The following L2HGDH variants were observed in gnomAD, a reference collection of about 807,000 sequenced individuals.
L2HGDH encodes L-2-hydroxyglutarate dehydrogenase, also known as L-2-hydroxyglutarate dehydrogenase, mitochondrial.
L2HGDH carries 34 observed loss-of-function variants against 51.5 expected under a neutral mutation model. That is an observed-to-expected ratio of 0.66 (90% CI 0.50 to 0.88). L2HGDH has a LOEUF of 0.88. Ranked by LOEUF, L2HGDH falls within the 40% of genes least tolerant of loss-of-function variation. The pLI is 0.00. For synonymous variants in L2HGDH, 198 were observed against 197.9 expected (o/e 1.00, Z -0.01); for missense variants, 558 against 571.9 (o/e 0.98, Z 0.25).
Position 50,269,347 on chromosome 14 carries a change from G to C in L2HGDH, c.739-17C>G, listed in dbSNP as rs1160517549. ...TTCCTCTCCCTAGTGCAAAATAAAAGAACAGTTATTTGTATAAAGTGGAGT... is the reference window on the plus strand; with the variant it reads ...TTCCTCTCCCTAGTGCAAAATAAAACAACAGTTATTTGTATAAAGTGGAGT... On this transcript the variant is annotated splice_polypyrimidine_tract_variant and intron_variant, in intron 6 of 9. Transcript: ENST00000267436. 1.2e-6 allele frequency: 2 copies of C among 1,612,374 alleles called. No homozygotes were observed. Among genetic ancestry groups the C allele is most frequent in the Non-Finnish European group, 1.7e-6 (2 of 1,178,724 alleles).
In L2HGDH at chr14:50,266,050, G is replaced by T. The variant is rs534870740; in HGVS notation, c.1065-561C>A. On this transcript the variant is annotated intron_variant, in intron 8 of 9. Coordinates refer to ENST00000267436, the MANE Select transcript of L2HGDH (RefSeq NM_024884.3). ...AGTTCCAGCTACTAGGGAGGCTGAA[G>T]TGGGAGGCTCGCTTAAGCCCAGGAG... Among the ~76,000 whole-genome samples the T allele has an allele frequency of 3.9e-5, 6 of 152,056 alleles. No homozygotes were observed. In the East Asian group the frequency reaches 1.2e-3, roughly 29 times the overall value.
intron 5 of L2HGDH, among the ~76,000 whole-genome samples, chr14:50,279,399 G>T (rs1213669626): frequency 2.0e-5 from 3 of 152,126 alleles, no homozygotes; most frequent in Non-Finnish European, 2.9e-5. Context: ...CATGAGGTGG[G>T]GGGAGTTCCA....
intron 9 of L2HGDH, among the ~76,000 whole-genome samples, chr14:50,264,814 C>T (rs1465709781): frequency 6.6e-6 from 1 of 151,456 alleles, no homozygotes; most frequent in African/African-American, 2.5e-5. Flanking sequence ...ATAATATGTA[C>T]AATAAACCCC....
chr14:50,259,354 T>C (rs1211029894), intron 9 of L2HGDH, among the ~76,000 whole-genome samples: 10 of 122,916 alleles, frequency 8.1e-5, no homozygotes, highest in Non-Finnish European at 1.6e-4. Flanking sequence ...TTTCTGTTTT[T>C]TTTCTTTTTC....
chr14:50,282,574 T>G, intron 5 of L2HGDH: 1 of 454,982 alleles, frequency 2.2e-6, no homozygotes, highest in Non-Finnish European at 4.4e-6. Context: ...GTACAGTCTA[T>G]GAGTTGAAAT....
At chr14:50,301,921 A>G (rs2030430912) in intron 3 of L2HGDH, 96 bp downstream of exon 3, 3 of 1,264,888 alleles carry the variant, frequency 2.4e-6, no homozygotes, top group African/African-American at 3.0e-5. Context: ...TTACATAGAT[A>G]CAAAGAAAAA....
chr14:50,265,725 C>T (rs888757861), intron 8 of L2HGDH, among the ~76,000 whole-genome samples: 2 of 152,126 alleles, frequency 1.3e-5, no homozygotes, highest in East Asian at 3.9e-4. Context: ...ACCAGCCTGG[C>T]CAACATGGCA....
In L2HGDH at chr14:50,302,072, G is replaced by A. The variant is rs754498085; in HGVS notation, c.353C>T (p.Ala118Val). The A allele has an allele frequency of 1.9e-6, 3 of 1,614,080 alleles. No homozygotes were observed. The highest frequency in any genetic ancestry group is 1.6e-4 in the Middle Eastern group (1 of 6,062). Residue 118 changes from alanine (A) to valine (V), a missense_variant, in exon 3 of 10, where the codon GCC (alanine) becomes GTC (valine). By Grantham distance (64) the Ala-to-Val change is moderately conservative (BLOSUM62 0). Around this residue, in one of 3 missense-constraint regions of L2HGDH, gnomAD observed 194 missense variants for 187.2 expected, o/e 1.04. Transcript: ENST00000267436. ...LKAKLCVQGAALLYEYCQQKG... is the reference protein window; with the variant it reads ...LKAKLCVQGAVLLYEYCQQKG... The stretch of plus-strand genomic sequence containing the variant: ...TTGCTGACAGTACTCATAGAGGAGG[G>A]CTGCACCTTGTACACATAATTTGGC...
intron 4 of L2HGDH, 147 bp downstream of exon 4, chr14:50,293,968 T>A: frequency 1.1e-6 from 1 of 918,874 alleles, no homozygotes; most frequent in Non-Finnish European, 1.7e-6. Context: ...TTTGTGACAA[T>A]GCCCTCTTGT....
At chr14:50,293,196 G>A (rs747591200) in intron 4 of L2HGDH, 2 of 701,814 alleles carry the variant, frequency 2.8e-6, no homozygotes, top group Non-Finnish European at 5.2e-6. Context: ...ACATAGACCC[G>A]CCACATACCT....
At chr14:50,269,465 T>A in intron 6 of L2HGDH, 135 bp from the exon 7 acceptor site, 1 of 776,158 alleles carries the variant, frequency 1.3e-6, no homozygotes, top group Non-Finnish European at 2.1e-6. Context: ...AATACAGGTA[T>A]CAGCAAAATA....
chr14:50,302,397 A>G (rs1357853789), intron 2 of L2HGDH, among the ~76,000 whole-genome samples: 1 of 152,138 alleles, frequency 6.6e-6, no homozygotes, highest in Non-Finnish European at 1.5e-5. Flanking sequence ...CTCACCTCTC[A>G]TTACCAGCAA....
At chr14:50,293,480 T>C (rs747766422) in intron 4 of L2HGDH, among the ~76,000 whole-genome samples, 15 of 152,182 alleles carry the variant, frequency 9.9e-5, no homozygotes, top group Non-Finnish European at 1.6e-4. Context: ...ACCAAGTCTT[T>C]GAATGCATCC....
intron 4 of L2HGDH, chr14:50,287,363 C>A (rs953457456): frequency 1.1e-6 from 1 of 951,068 alleles, no homozygotes; most frequent in African/African-American, 1.8e-5. Context: ...ATCAGATAGA[C>A]CAATTCTCCA....
intron 7 of L2HGDH, among the ~76,000 whole-genome samples, chr14:50,268,154 G>A (rs1243157426): frequency 6.6e-6 from 1 of 152,140 alleles, no homozygotes; most frequent in Admixed American, 6.5e-5. Context: ...TGAGGCGTGA[G>A]GATCATTTGA....
rs753005164 is a variant in L2HGDH at position 50,245,018 on chromosome 14, T to C, written c.*2040A>G. ...TTCTAAATTATAAGAATAATTTCGA[T>C]AGATACCACAAAACACATATATACA... On this transcript the variant is annotated 3_prime_UTR_variant, in exon 10 of 10. Transcript: ENST00000267436. The C allele has an allele frequency of 1.7e-4, 170 of 985,420 alleles. No individual in the cohort carries two copies. The highest frequency in any genetic ancestry group is 2.0e-4 in the Non-Finnish European group (165 of 829,744). 61.0% of individuals were successfully genotyped at this position (985,420 alleles called of 1,614,324 possible). A position where few individuals can be genotyped will look rare whatever the true frequency, so the allele number is the denominator to read the frequency against.
At chr14:50,259,240 T>C (rs1888854177) in intron 9 of L2HGDH, among the ~76,000 whole-genome samples, 1 of 151,918 alleles carries the variant, frequency 6.6e-6, no homozygotes, top group African/African-American at 2.4e-5. Context: ...GCCTCCCAAG[T>C]AGCTAGGACT....
At chr14:50,283,726 T>A in intron 5 of L2HGDH, 145 bp downstream of exon 5, 2 of 640,308 alleles carry the variant, frequency 3.1e-6, no homozygotes, top group Non-Finnish European at 5.3e-6. Flanking sequence ...ATCTTTTTTA[T>A]TTGTATTATG....
In L2HGDH at chr14:50,257,630, C is replaced by T. The variant is rs561167358; in HGVS notation, c.1196+7728G>A. Among the ~76,000 whole-genome samples the T allele has an allele frequency of 2.6e-4, 39 of 152,162 alleles. 2 individuals are homozygous for T. The highest frequency in any genetic ancestry group is 9.4e-4 in the African/African-American group (39 of 41,546). ...AAACAATCCTCCCACGTTGGCCTCC[C>T]AAAGTTCTGGGATTACAGAAGTGGG... On this transcript the variant is annotated intron_variant, in intron 9 of 9. Transcript: ENST00000267436.
Sources: allele counts gnomAD v4.1 joint callset (sites outside exome capture counted in the v4.1 genomes callset), GRCh38; gene constraint gnomAD v4.1.1; regional missense constraint gnomAD v4.1.1; transcripts MANE v1.5; gene names NCBI Gene and HGNC (gene_info 2026-07-23, HGNC 2026-07-21).